Variants in FBXL4 observed in about 807,000 individuals in gnomAD.
FBXL4 encodes the protein F-box/LRR-repeat protein 4.
In FBXL4, 40 loss-of-function variants were observed where a neutral mutation model predicts 58.9. The ratio of observed to expected loss-of-function variants is 0.68; its 90% CI spans 0.53 to 0.88. FBXL4 has a LOEUF of 0.88. Among genes scored for constraint, FBXL4 ranks in the 40% least tolerant of loss-of-function variants. The pLI is 0.00. For missense variants in FBXL4, 676 were observed against 734.4 expected (o/e 0.92, Z 0.92); for synonymous variants, 263 against 265.5 (o/e 0.99, Z 0.09).
At chr6:98,893,266 A>G (rs1156874408) in intron 7 of FBXL4, among the ~76,000 whole-genome samples, 2 of 152,150 alleles carry the variant, frequency 1.3e-5, no homozygotes, top group Non-Finnish European at 2.9e-5. Context: ...TGCTATAACA[A>G]AGTATCATAG....
chr6:98,875,467 G>A lies in FBXL4; in HGVS notation c.1650C>T (p.Asp550=). Residue 550 remains aspartate, a synonymous_variant, in exon 9 of 10, where the codon GAC becomes GAT. Transcript: ENST00000369244. ...TACAATTACATGCCAATTCATCAAT[G>A]TCTGTGTCACACACAGATCTATTAG... The part of the protein sequence containing the change: ...LTANRSVCDT[D]IDELACNCTR... 1 of 1,614,006 alleles carries A rather than the reference G, an allele frequency of 6.2e-7. No homozygotes were observed. The highest frequency in any genetic ancestry group is 1.1e-5 in the South Asian group (1 of 91,080).
intron 5 of FBXL4, 45 bp from the exon 6 acceptor site, chr6:98,905,715 T>A (rs1211331670): frequency 1.3e-6 from 2 of 1,588,686 alleles, no homozygotes; most frequent in Non-Finnish European, 1.7e-6. Flanking sequence ...TGAAAAGCAG[T>A]ATCATTCTAT....
chr6:98,924,328 AG>A (rs1772692351), intron 4 of FBXL4, among the ~76,000 whole-genome samples: 1 of 152,166 alleles, frequency 6.6e-6, no homozygotes, highest in Admixed American at 6.5e-5. Flanking sequence ...AGGCCGAGGC[AG>A]GCGGATCACC....
intron 5 of FBXL4, among the ~76,000 whole-genome samples, chr6:98,910,960 G>A (rs1243883892): frequency 2.0e-5 from 3 of 152,154 alleles, no homozygotes; most frequent in Non-Finnish European, 2.9e-5. Context: ...CTAGAAAATC[G>A]GGCCACTCCC....
intron 1 of FBXL4, among the ~76,000 whole-genome samples, chr6:98,936,348 T>G (rs1773216591): frequency 6.6e-6 from 1 of 152,224 alleles, no homozygotes; most frequent in Admixed American, 6.5e-5. Flanking sequence ...TGATCTGCTT[T>G]CTGTCACTAC....
intron 1 of FBXL4, among the ~76,000 whole-genome samples, chr6:98,946,258 G>A (rs1773616458): frequency 6.6e-6 from 1 of 152,070 alleles, no homozygotes; most frequent in South Asian, 2.1e-4. Context: ...CTGATCAGCA[G>A]GGAAAAATAG....
At chr6:98,890,324 A>T (rs899949929) in intron 7 of FBXL4, among the ~76,000 whole-genome samples, 1 of 152,228 alleles carries the variant, frequency 6.6e-6, no homozygotes, top group African/African-American at 2.4e-5. Context: ...GACAAAGACT[A>T]GCTAAAATAT....
intron 7 of FBXL4, among the ~76,000 whole-genome samples, chr6:98,893,551 A>G (rs1383146824): frequency 2.0e-5 from 3 of 152,194 alleles, no homozygotes; most frequent in Non-Finnish European, 4.4e-5. Flanking sequence ...AAATACAGTC[A>G]CATTCTTAGG....
intron 8 of FBXL4, 39 bp downstream of exon 8, chr6:98,880,514 C>T: frequency 6.5e-7 from 1 of 1,541,206 alleles, no homozygotes; most frequent in African/African-American, 1.4e-5. Flanking sequence ...AAAAAGAGAA[C>T]AAGTAATTGA....
intron 1 of FBXL4, among the ~76,000 whole-genome samples, chr6:98,944,746 G>C (rs577938515): frequency 6.6e-6 from 1 of 152,202 alleles, no homozygotes; most frequent in South Asian, 2.1e-4. Flanking sequence ...GCAAAGATCA[G>C]ACAGCTTTAT....
At chr6:98,916,498 T>C (rs1772353264) in intron 5 of FBXL4, among the ~76,000 whole-genome samples, 1 of 151,968 alleles carries the variant, frequency 6.6e-6, no homozygotes, top group Non-Finnish European at 1.5e-5. Flanking sequence ...TAAAAAATGA[T>C]GAGTTCATGT....
chr6:98,899,649 G>A (rs1192318842), intron 6 of FBXL4, among the ~76,000 whole-genome samples, 168 bp from the exon 7 acceptor site: 1 of 152,114 alleles, frequency 6.6e-6, no homozygotes, highest in Non-Finnish European at 1.5e-5. Flanking sequence ...ACTGAAATAT[G>A]AATGGTTAGG....
chr6:98,895,909 G>A (rs928434966), intron 7 of FBXL4, among the ~76,000 whole-genome samples: 2 of 152,042 alleles, frequency 1.3e-5, no homozygotes, highest in African/African-American at 4.8e-5. Context: ...ACTGGTCTCT[G>A]TGAAGTTAAT....
chr6:98,932,537 T>C (rs146491395), intron 2 of FBXL4, among the ~76,000 whole-genome samples: 1 of 152,318 alleles, frequency 6.6e-6, no homozygotes, highest in East Asian at 1.9e-4. Flanking sequence ...AACATATGTT[T>C]CCTACTGAGA....
At chr6:98,893,821 G>A (rs376173324) in intron 7 of FBXL4, among the ~76,000 whole-genome samples, 2 of 151,490 alleles carry the variant, frequency 1.3e-5, no homozygotes, top group South Asian at 2.1e-4. Context: ...TCTGTAAGTC[G>A]GAAATTATTT....
chr6:98,895,145 A>G (rs959342817), intron 7 of FBXL4, among the ~76,000 whole-genome samples: 1 of 152,210 alleles, frequency 6.6e-6, no homozygotes, highest in Admixed American at 6.5e-5. Flanking sequence ...TCTCCATTAC[A>G]GTATAAAATT....
chr6:98,897,494 A>G, intron 7 of FBXL4: 1 of 332,292 alleles, frequency 3.0e-6, no homozygotes, highest in Non-Finnish European at 4.3e-6. Flanking sequence ...TCTTCTTTCC[A>G]CCCTGCCAGG....
intron 5 of FBXL4, among the ~76,000 whole-genome samples, chr6:98,911,714 C>A (rs1278622149): frequency 6.6e-6 from 1 of 152,094 alleles, no homozygotes; most frequent in Non-Finnish European, 1.5e-5. Context: ...GTAGATAAAA[C>A]CACAAAGATG....
At chr6:98,896,201 G>A (rs1480264566) in intron 7 of FBXL4, among the ~76,000 whole-genome samples, 1 of 152,128 alleles carries the variant, frequency 6.6e-6, no homozygotes, top group Non-Finnish European at 1.5e-5. Context: ...AGAGAGACCA[G>A]TCTCCTACAC....
Sources: gnomAD v4.1 joint callset for allele counts (sites outside exome capture counted in the v4.1 genomes callset) on GRCh38, gnomAD v4.1.1 for gene constraint, MANE v1.5 for transcripts, NCBI Gene and HGNC (gene_info 2026-07-23, HGNC 2026-07-21) for gene names.